Variants in SLC39A12 observed in about 807,000 individuals in gnomAD.
The protein encoded by SLC39A12 is zinc transporter ZIP12.
A neutral mutation model predicts 71.1 loss-of-function variants in SLC39A12; 63 were observed. The ratio of observed to expected loss-of-function variants is 0.89; its 90% confidence interval spans 0.72 to 1.09. The LOEUF (loss-of-function observed/expected upper bound fraction) is 1.09, where lower values mean the gene tolerates loss of function less well. SLC39A12 is among the 50% of genes least tolerant of loss of function. SLC39A12 has a pLI of 0.00. For synonymous variants in SLC39A12, 351 were observed against 301.3 expected (o/e 1.16, Z -1.71); for missense variants, 892 against 812.6 (o/e 1.10, Z -1.19).
At chr10:17,978,710 A>G (rs1236830802) in intron 5 of SLC39A12, among the ~76,000 whole-genome samples, 6 of 152,174 alleles carry the variant, frequency 3.9e-5, no homozygotes, top group African/African-American at 1.4e-4. Context: ...GCCAATAATC[A>G]TTTTCTGTGC....
chr10:17,984,128 T>A (rs768035713), intron 6 of SLC39A12, among the ~76,000 whole-genome samples: 3 of 152,236 alleles, frequency 2.0e-5, no homozygotes, highest in Non-Finnish European at 4.4e-5. Context: ...CTTTAGAACC[T>A]GTCTGCAAGT....
At chr10:18,003,002 G>A (rs1348523355) in intron 11 of SLC39A12, 169 bp from the exon 12 acceptor site, 1 of 582,174 alleles carries the variant, frequency 1.7e-6, no homozygotes, top group African/African-American at 1.9e-5. Flanking sequence ...CGATGAATGG[G>A]CTATGAATTC....
chr10:17,966,890 C>G (rs966195269), intron 4 of SLC39A12, among the ~76,000 whole-genome samples: 3 of 151,916 alleles, frequency 2.0e-5, no homozygotes, highest in Non-Finnish European at 4.4e-5. Context: ...AGGAGAATTG[C>G]TTGAACCCAG....
chr10:18,003,781 A>G (rs1835909477), intron 12 of SLC39A12, among the ~76,000 whole-genome samples: 1 of 152,374 alleles, frequency 6.6e-6, no homozygotes, highest in Non-Finnish European at 1.5e-5. Context: ...ACAATGCGAA[A>G]GTTCTGTTAA....
chr10:17,960,595 A>C (rs782576493), intron 2 of SLC39A12, among the ~76,000 whole-genome samples: 27 of 152,352 alleles, frequency 1.8e-4, no homozygotes, highest in Non-Finnish European at 3.1e-4. Context: ...ATCTGCTGTT[A>C]GTGGACCACA....
chr10:18,008,266 T>C (rs773830692), intron 12 of SLC39A12, among the ~76,000 whole-genome samples: 2 of 152,100 alleles, frequency 1.3e-5, no homozygotes, highest in Non-Finnish European at 2.9e-5. Flanking sequence ...AGCGGGGGCA[T>C]TAGGTTCTCA....
intron 12 of SLC39A12, among the ~76,000 whole-genome samples, chr10:18,014,956 C>T (rs887830628): frequency 4.6e-5 from 7 of 152,096 alleles, no homozygotes; most frequent in Non-Finnish European, 8.8e-5. Flanking sequence ...GTGTGATTGA[C>T]TTCATGGTAA....
intron 9 of SLC39A12, among the ~76,000 whole-genome samples, chr10:17,994,647 C>T (rs1835639482): frequency 6.6e-6 from 1 of 152,220 alleles, no homozygotes; most frequent in Non-Finnish European, 1.5e-5. Flanking sequence ...TATATCCTCC[C>T]AATTTCAAGT....
intron 11 of SLC39A12, among the ~76,000 whole-genome samples, chr10:18,001,607 T>C (rs1835835765): frequency 1.3e-5 from 2 of 152,238 alleles, no homozygotes; most frequent in African/African-American, 4.8e-5. Flanking sequence ...AGCATTGAAA[T>C]GACAGGTGTG....
intron 12 of SLC39A12, among the ~76,000 whole-genome samples, chr10:18,010,022 T>A (rs964312371): frequency 4.6e-5 from 7 of 152,218 alleles, no homozygotes; most frequent in Non-Finnish European, 8.8e-5. Context: ...CTTCATCATA[T>A]AACTATAAAA....
In SLC39A12 at chr10:17,965,634, A is replaced by G. The variant is rs748860782; in HGVS notation, c.695A>G (p.Tyr232Cys). 1 of 1,614,168 alleles carries G rather than the reference A, an allele frequency of 6.2e-7. No individual in the cohort carries two copies. Among genetic ancestry groups the G allele is most frequent in the South Asian group, 1.1e-5 (1 of 91,074 alleles). Residue 232 changes from tyrosine (Y) to cysteine (C), a missense_variant, in exon 4 of 13, where the codon TAC becomes TGC. By Grantham distance (194) the Tyr-to-Cys change is radical (BLOSUM62 -2). Transcript: ENST00000377369. ...LGQGNLPSPDYFTEYIFSSLN... is the reference protein window; with the variant it reads ...LGQGNLPSPDCFTEYIFSSLN... Reference sequence around the variant, plus strand: ...CAAGGAAACTTGCCTTCCCCAGACTACTTTACAGAATATATTTTCAGTTCC... The same window carrying G: ...CAAGGAAACTTGCCTTCCCCAGACTGCTTTACAGAATATATTTTCAGTTCC...
intron 12 of SLC39A12, among the ~76,000 whole-genome samples, chr10:18,036,403 C>T (rs1180943893): frequency 1.3e-5 from 2 of 152,004 alleles, no homozygotes; most frequent in Non-Finnish European, 2.9e-5. Context: ...GTGGGAGTGA[C>T]CCGATTTTCC....
At chr10:17,963,762 A>T (rs1834752498) in intron 3 of SLC39A12, among the ~76,000 whole-genome samples, 1 of 152,132 alleles carries the variant, frequency 6.6e-6, no homozygotes, top group Non-Finnish European at 1.5e-5. Flanking sequence ...GCCCATCATT[A>T]CTTGAATTTC....
chr10:17,953,241 C>CA lies in SLC39A12; in HGVS notation c.-35dup, dbSNP rs148746789. 3,348 of 1,598,658 alleles carry CA rather than the reference C, an allele frequency of 2.1e-3. 64 individuals are homozygous for CA. In the African/African-American group the frequency reaches 0.038, roughly 18 times the overall value. On this transcript the variant is annotated 5_prime_UTR_variant, in exon 2 of 13. Transcript: ENST00000377369. ...CCATAAACGGCAACACACTCACCTCCATCCAAGACAGACTCAAGGTGGAGG... is the reference window on the plus strand; with the variant it reads ...CCATAAACGGCAACACACTCACCTCCAATCCAAGACAGACTCAAGGTGGAGG...
intron 4 of SLC39A12, among the ~76,000 whole-genome samples, chr10:17,975,280 T>C (rs1835081762): frequency 1.3e-5 from 2 of 152,036 alleles, no homozygotes; most frequent in Non-Finnish European, 2.9e-5. Flanking sequence ...GCTAAGGTGA[T>C]ACCTGAAGCC....
At chr10:18,012,213 A>T (rs946427659) in intron 12 of SLC39A12, among the ~76,000 whole-genome samples, 2 of 152,236 alleles carry the variant, frequency 1.3e-5, no homozygotes, top group Non-Finnish European at 2.9e-5. Flanking sequence ...ATTGATGTCA[A>T]AAAGGACAAC....
At chr10:18,037,844 A>T (rs1837101945) in intron 12 of SLC39A12, among the ~76,000 whole-genome samples, 1 of 150,956 alleles carries the variant, frequency 6.6e-6, no homozygotes, top group South Asian at 2.1e-4. Context: ...ACATCATGAA[A>T]CCCCATCTCT....
chr10:18,036,322 C>T (rs547668749), intron 12 of SLC39A12, among the ~76,000 whole-genome samples: 53 of 152,218 alleles, frequency 3.5e-4, no homozygotes, highest in African/African-American at 1.2e-3. Flanking sequence ...TAGGACCCTC[C>T]GAGCCAGGTG....
At chr10:18,011,153 G>A (rs995793490) in intron 12 of SLC39A12, among the ~76,000 whole-genome samples, 1 of 151,770 alleles carries the variant, frequency 6.6e-6, no homozygotes, top group East Asian at 1.9e-4. Context: ...GCAGTGGCGC[G>A]ATCTCAACTT....
Sources: allele counts gnomAD v4.1 joint callset (sites outside exome capture counted in the v4.1 genomes callset), GRCh38; gene constraint gnomAD v4.1.1; transcripts MANE v1.5; gene names NCBI Gene and HGNC (gene_info 2026-07-23, HGNC 2026-07-21).